CCDC102B: variants seen among roughly 807,000 people sequenced by gnomAD.
CCDC102B encodes coiled-coil domain-containing protein 102B.
A neutral mutation model predicts 57.4 loss-of-function variants in CCDC102B; 75 were observed. That is an observed-to-expected ratio of 1.31 (90% CI 1.08 to 1.58). CCDC102B has a LOEUF of 1.58. Among genes scored for constraint, CCDC102B ranks in the 40% most tolerant of loss-of-function variants. The probability of loss-of-function intolerance (pLI) is 0.00; values close to 1 mark genes in which losing one functional copy is unlikely to be tolerated. For synonymous variants in CCDC102B, 206 were observed against 201.9 expected (o/e 1.02, Z -0.17); for missense variants, 636 against 582.6 (o/e 1.09, Z -0.94).
At chr18:68,952,712 T>C (rs2049732594) in intron 6 of CCDC102B, among the ~76,000 whole-genome samples, 1 of 152,136 alleles carries the variant, frequency 6.6e-6, no homozygotes. Flanking sequence ...GAGACAGTAT[T>C]ATTACCACTA....
chr18:68,998,360 T>C (rs1364271503), intron 6 of CCDC102B, among the ~76,000 whole-genome samples: 1 of 139,364 alleles, frequency 7.2e-6, no homozygotes, highest in Non-Finnish European at 1.5e-5. Context: ...CATGTATATA[T>C]ACATCTACAT....
intron 6 of CCDC102B, among the ~76,000 whole-genome samples, chr18:69,002,004 G>C (rs751633774): frequency 1.1e-4 from 16 of 152,104 alleles, no homozygotes. Flanking sequence ...TATTTAGTAA[G>C]TATGTTTTCC....
intron 1 of CCDC102B, among the ~76,000 whole-genome samples, chr18:68,801,058 G>A (rs1158226671): frequency 6.6e-6 from 1 of 151,800 alleles, no homozygotes; most frequent in Non-Finnish European, 1.5e-5. Flanking sequence ...ATCATTTTAT[G>A]AACATACTGC....
At chr18:68,893,546 G>A (rs1170014536) in intron 5 of CCDC102B, among the ~76,000 whole-genome samples, 1 of 152,054 alleles carries the variant, frequency 6.6e-6, no homozygotes, top group Admixed American at 6.6e-5. Flanking sequence ...CTTTTTCCTG[G>A]AGACTGTCAT....
intron 1 of CCDC102B, among the ~76,000 whole-genome samples, chr18:68,823,576 G>C (rs1225663043): frequency 6.6e-6 from 1 of 152,170 alleles, no homozygotes; most frequent in African/African-American, 2.4e-5. Context: ...CCAGTAATGG[G>C]ATTGATTGCT....
chr18:68,726,394 A>G (rs988397146), intron 2 of CCDC102B, among the ~76,000 whole-genome samples: 1 of 152,214 alleles, frequency 6.6e-6, no homozygotes. Context: ...TGTTACCTGC[A>G]GGCGTGTTTG....
At chr18:68,891,772 A>T (rs531626930) in intron 5 of CCDC102B, among the ~76,000 whole-genome samples, 315 of 152,274 alleles carry the variant, frequency 2.1e-3, no homozygotes, top group African/African-American at 7.0e-3. Flanking sequence ...TCTTATAAGG[A>T]CATCAGTTCC....
At chr18:68,750,464 A>C (rs1272913946) in intron 2 of CCDC102B, among the ~76,000 whole-genome samples, 1 of 152,190 alleles carries the variant, frequency 6.6e-6, no homozygotes, top group Non-Finnish European at 1.5e-5. Context: ...AAGGATTATA[A>C]ATCATGCTGC....
intron 4 of CCDC102B, among the ~76,000 whole-genome samples, chr18:68,871,826 G>C (rs2039250432): frequency 6.6e-6 from 1 of 152,162 alleles, no homozygotes. Context: ...TTGAGCAGGA[G>C]AGTTTCATGA....
At chr18:68,982,981 G>A (rs531044351) in intron 6 of CCDC102B, among the ~76,000 whole-genome samples, 3 of 151,882 alleles carry the variant, frequency 2.0e-5, no homozygotes, top group South Asian at 2.1e-4. Context: ...TTTCAGGTTA[G>A]CATCACAAAC....
At chr18:68,858,057 A>G (rs900585520) in intron 4 of CCDC102B, among the ~76,000 whole-genome samples, 1 of 152,202 alleles carries the variant, frequency 6.6e-6, no homozygotes, top group East Asian at 1.9e-4. Flanking sequence ...AGATGTCTCA[A>G]TTTTGGAGAG....
rs569241787 is a variant in CCDC102B, at chr18:68,839,068, A to T, written c.827+142A>T. 28 of 696,852 alleles carry T rather than the reference A, an allele frequency of 4.0e-5. No individual in the cohort carries two copies. In the South Asian group the frequency reaches 4.6e-4, roughly 11 times the overall value. 43.2% of individuals were successfully genotyped at this position (696,852 alleles called of 1,614,324 possible). ...TTTAGGATTTAAAGAAATTAGTTTG[A>T]TATATATTCATATGTTGAATTTTAA... On this transcript the variant is annotated intron_variant, in intron 3 of 7. Coordinates refer to ENST00000360242, the MANE Select transcript of CCDC102B (RefSeq NM_024781.3).
In CCDC102B at chr18:69,012,430, A is replaced by G. The variant is rs548748621; in HGVS notation, c.1434+1326A>G. On this transcript the variant is annotated intron_variant, in intron 7 of 7. Coordinates refer to ENST00000360242, the MANE Select transcript of CCDC102B (RefSeq NM_024781.3). ...TCTCCGAAGATCTGATTCACAGTGT[A>G]ATTGTGCAATTTAAATAATGAGCTG... is the stretch of plus-strand genomic sequence containing the variant. Among the ~76,000 whole-genome samples, 14 of 152,216 alleles carry G rather than the reference A, an allele frequency of 9.2e-5. No individual in the cohort carries two copies. The South Asian group carries it at 2.5e-3, about 27-fold the overall frequency.
chr18:69,009,236 A>G (rs1467587989), intron 6 of CCDC102B, among the ~76,000 whole-genome samples: 1 of 152,096 alleles, frequency 6.6e-6, no homozygotes, highest in Non-Finnish European at 1.5e-5. Flanking sequence ...TTTTTAATTA[A>G]GCTTTTTATT....
intron 6 of CCDC102B, among the ~76,000 whole-genome samples, chr18:68,970,736 T>A (rs2050280503): frequency 6.6e-6 from 1 of 152,014 alleles, no homozygotes; most frequent in Non-Finnish European, 1.5e-5. Context: ...GCTTTATCAA[T>A]CCTTTTCAAA....
At chr18:68,936,990 C>G (rs2049259710) in intron 6 of CCDC102B, among the ~76,000 whole-genome samples, 1 of 151,832 alleles carries the variant, frequency 6.6e-6, no homozygotes, top group South Asian at 2.1e-4. Context: ...AGGGGAAATA[C>G]AGGTTTAGGC....
chr18:68,929,390 C>T (rs2041589022), intron 6 of CCDC102B, among the ~76,000 whole-genome samples: 2 of 151,754 alleles, frequency 1.3e-5, no homozygotes, highest in Admixed American at 6.6e-5. Flanking sequence ...CTGAGTTTTC[C>T]ACTTTACAAA....
intron 1 of CCDC102B, among the ~76,000 whole-genome samples, chr18:68,829,521 AAAT>A (rs2037057497): frequency 6.6e-6 from 1 of 152,068 alleles, no homozygotes; most frequent in African/African-American, 2.4e-5. Flanking sequence ...TTTTGAAAAT[AAAT>A]AGGACAATCT....
chr18:68,927,432 G>C (rs1169564872), intron 6 of CCDC102B, among the ~76,000 whole-genome samples: 1 of 151,914 alleles, frequency 6.6e-6, no homozygotes, highest in Non-Finnish European at 1.5e-5. Flanking sequence ...CTGTCCCGTA[G>C]AGTGTAGACC....
Sources: allele counts gnomAD v4.1 joint callset (sites outside exome capture counted in the v4.1 genomes callset), GRCh38; gene constraint gnomAD v4.1.1; transcripts MANE v1.5; gene names NCBI Gene and HGNC (gene_info 2026-07-23, HGNC 2026-07-21).